TEX9: variants seen among roughly 807,000 people sequenced by gnomAD.
The protein encoded by TEX9 is testis expressed 9, also known as testis-expressed protein 9.
Under a neutral mutation model 59.6 loss-of-function variants are expected in TEX9, and 74 were observed. That is an observed-to-expected ratio of 1.24 (90% CI 1.03 to 1.51). The LOEUF (loss-of-function observed/expected upper bound fraction) is 1.51. Among genes scored for constraint, TEX9 ranks in the 40% most tolerant of loss-of-function variants. The pLI, the probability that TEX9 is intolerant of heterozygous loss-of-function variation, is 0.00. For missense variants in TEX9, 522 were observed against 447.8 expected (o/e 1.17, Z -1.49); for synonymous variants, 186 against 152.2 (o/e 1.22, Z -1.64).
At chr15:56,358,332 T>C (rs867525340) in intron 1 of TEX9, among the ~76,000 whole-genome samples, 5 of 147,690 alleles carry the variant, frequency 3.4e-5, no homozygotes, top group African/African-American at 1.2e-4. Context: ...CAGTAATGCA[T>C]AGATAAGTTT....
At chr15:56,400,325 C>T (rs1294131084) in intron 9 of TEX9, among the ~76,000 whole-genome samples, 1 of 152,132 alleles carries the variant, frequency 6.6e-6, no homozygotes, top group East Asian at 1.9e-4. Context: ...GGCACGAAAA[C>T]TCCGTGATGC....
At chr15:56,281,298 AC>A (rs2044813683) in intron 1 of TEX9, among the ~76,000 whole-genome samples, 1 of 152,332 alleles carries the variant, frequency 6.6e-6, no homozygotes, top group East Asian at 1.9e-4. Flanking sequence ...GGGGTCCCTA[AC>A]CCCCAGGCTG....
At chr15:56,302,485 C>T (rs186367271) in intron 1 of TEX9, among the ~76,000 whole-genome samples, 1 of 152,190 alleles carries the variant, frequency 6.6e-6, no homozygotes. Context: ...TGCACCACTG[C>T]ACTCCAGCTT....
chr15:56,380,866 T>C (rs1303041279), intron 3 of TEX9, among the ~76,000 whole-genome samples: 1 of 152,172 alleles, frequency 6.6e-6, no homozygotes, highest in African/African-American at 2.4e-5. Flanking sequence ...TCTTTGACCT[T>C]TGGGAGTTTG....
At chr15:56,392,222 CTG>C (rs750291952) in intron 7 of TEX9, among the ~76,000 whole-genome samples, 30 of 152,150 alleles carry the variant, frequency 2.0e-4, no homozygotes, top group Non-Finnish European at 2.8e-4. Flanking sequence ...ATACCTGAGA[CTG>C]TGTAATTTAT....
intron 1 of TEX9, among the ~76,000 whole-genome samples, chr15:56,247,406 A>C (rs1315068376): frequency 6.6e-6 from 1 of 152,200 alleles, no homozygotes; most frequent in African/African-American, 2.4e-5. Context: ...GGGTAGAAGA[A>C]CTGGAGAAGG....
intron 1 of TEX9, among the ~76,000 whole-genome samples, chr15:56,316,187 C>T (rs2045756491): frequency 6.9e-6 from 1 of 145,124 alleles, no homozygotes; most frequent in Non-Finnish European, 1.5e-5. Context: ...TGTTCCGTTG[C>T]TGGTAAGGAA....
chr15:56,333,323 AAGT>A (rs1336254482), intron 1 of TEX9, among the ~76,000 whole-genome samples: 4 of 152,204 alleles, frequency 2.6e-5, no homozygotes, highest in African/African-American at 9.6e-5. Context: ...CATCATGACT[AAGT>A]AGGATTTATC....
intron 1 of TEX9, among the ~76,000 whole-genome samples, chr15:56,355,431 T>C (rs778823967): frequency 1.3e-5 from 2 of 152,154 alleles, no homozygotes; most frequent in Non-Finnish European, 2.9e-5. Flanking sequence ...TTTATTAAAA[T>C]TTGTGGGTCT....
intron 1 of TEX9, among the ~76,000 whole-genome samples, chr15:56,264,919 C>G (rs2044345344): frequency 6.6e-6 from 1 of 152,132 alleles, no homozygotes; most frequent in South Asian, 2.1e-4. Flanking sequence ...GTTATATGTA[C>G]AAGGGTCTGT....
intron 6 of TEX9, among the ~76,000 whole-genome samples, chr15:56,390,281 A>C (rs1296692094): frequency 6.6e-6 from 1 of 151,996 alleles, no homozygotes; most frequent in Non-Finnish European, 1.5e-5. Context: ...AAGACCTACT[A>C]TTTGATAGCA....
intron 1 of TEX9, among the ~76,000 whole-genome samples, chr15:56,321,820 A>G (rs74490818): frequency 0.044 from 6,673 of 152,222 alleles, 220 homozygotes; most frequent in Admixed American, 0.086. Context: ...TGCAGATATT[A>G]GGACTAGCTA....
intron 10 of TEX9, among the ~76,000 whole-genome samples, chr15:56,422,566 A>G (rs2050034289): frequency 6.6e-6 from 1 of 151,820 alleles, no homozygotes; most frequent in South Asian, 2.1e-4. Flanking sequence ...AGAGCCTTTT[A>G]GCAGTATACT....
At chr15:56,337,778 C>A in intron 1 of TEX9, among the ~76,000 whole-genome samples, 1 of 152,218 alleles carries the variant, frequency 6.6e-6, no homozygotes, top group Non-Finnish European at 1.5e-5. Context: ...ATGTTGTAAT[C>A]CTGTTAAATT....
At chr15:56,326,331 C>T (rs1328839121) in intron 1 of TEX9, among the ~76,000 whole-genome samples, 1 of 151,850 alleles carries the variant, frequency 6.6e-6, no homozygotes, top group Non-Finnish European at 1.5e-5. Flanking sequence ...GTTTTCATGC[C>T]CACACCACAG....
rs147147790 is a variant in TEX9, at chr15:56,335,882, TA to T, written c.-106-37558del. Among the ~76,000 whole-genome samples, 381 of 152,334 alleles carry T rather than the reference TA, an allele frequency of 2.5e-3. 1 individual carries two copies. The highest frequency in any genetic ancestry group is 0.01 in the Middle Eastern group (3 of 294). On this transcript the variant is annotated intron_variant, in intron 1 of 5. Coordinates refer to the TEX9 transcript ENST00000560827. ...CTTCATAGTTTAGAAATATGACTTA[TA>T]TAAGTTTAAATGCAAAATATTATAT...
chr15:56,334,902 A>T (rs1392949517), intron 1 of TEX9, among the ~76,000 whole-genome samples: 1 of 152,216 alleles, frequency 6.6e-6, no homozygotes, highest in African/African-American at 2.4e-5. Context: ...GGTATATGAA[A>T]AGGTGCTCAA....
At chr15:56,362,609 C>T (rs2046810040), upstream of TEX9, among the ~76,000 whole-genome samples, 1 of 152,138 alleles carries the variant, frequency 6.6e-6, no homozygotes, top group South Asian at 2.1e-4. Context: ...TATTAATTGG[C>T]TTTTAGTGTA....
intron 1 of TEX9, among the ~76,000 whole-genome samples, chr15:56,263,191 T>C (rs1053911675): frequency 2.0e-5 from 3 of 152,050 alleles, no homozygotes; most frequent in Non-Finnish European, 4.4e-5. Flanking sequence ...GCCCGGCTAA[T>C]TTTGTATTTT....
Sources: allele counts gnomAD v4.1 joint callset (sites outside exome capture counted in the v4.1 genomes callset), GRCh38; gene constraint gnomAD v4.1.1; transcripts MANE v1.5; gene names NCBI Gene and HGNC (gene_info 2026-07-23, HGNC 2026-07-21).